Variants in CDC25C observed in about 807,000 individuals in gnomAD.
CDC25C encodes the protein cell division cycle 25C.
CDC25C carries 48 observed loss-of-function variants against 52.5 expected under a neutral mutation model. The ratio of observed to expected loss-of-function variants is 0.91; its 90% confidence interval spans 0.72 to 1.16. The LOEUF (loss-of-function observed/expected upper bound fraction) is 1.16, where lower values mean the gene tolerates loss of function less well. Ranked by LOEUF, CDC25C falls within the 50% of genes most tolerant of loss-of-function variation. The probability of loss-of-function intolerance (pLI) is 0.00; values close to 1 mark genes in which losing one functional copy is unlikely to be tolerated. For missense variants in CDC25C, 510 were observed against 566.1 expected (o/e 0.90, Z 1.01); for synonymous variants, 187 against 206.5 (o/e 0.91, Z 0.81).
At chr5:138,326,640 C>T (rs1357757087) in intron 4 of CDC25C, among the ~76,000 whole-genome samples, 1 of 152,112 alleles carries the variant, frequency 6.6e-6, no homozygotes, top group Non-Finnish European at 1.5e-5. Flanking sequence ...CGCACCCGGC[C>T]GGGGCTAACT....
chr5:138,316,621 G>A (rs1758895297), intron 7 of CDC25C, among the ~76,000 whole-genome samples: 1 of 152,176 alleles, frequency 6.6e-6, no homozygotes, highest in Non-Finnish European at 1.5e-5. Flanking sequence ...CAATCAGGAA[G>A]CACTTTCTCC....
rs192051305 is a variant in CDC25C at position 138,318,054 on chromosome 5, C to T, written c.615+1165G>A. Among the ~76,000 whole-genome samples the T allele has an allele frequency of 1.6e-4, 25 of 152,276 alleles. No homozygotes were observed. The East Asian group carries it at 4.1e-3, about 25-fold the overall frequency. ...CAGTCTAAAGATAGGTTACGCCAGG[C>T]GTGGTGGCTCATGCCTGTAATCCCA... On this transcript the variant is annotated intron_variant, in intron 7 of 13. Coordinates refer to ENST00000323760, the MANE Select transcript of CDC25C (RefSeq NM_001790.5).
At chr5:138,286,413 C>A in intron 12 of CDC25C, 84 bp downstream of exon 12, 18 of 1,362,280 alleles carry the variant, frequency 1.3e-5, no homozygotes, top group Non-Finnish European at 1.8e-5. Context: ...CTGTAGAATC[C>A]AGTCAGTCTC....
In CDC25C at chr5:138,331,128, C is replaced by G. The variant is rs1760345653; in HGVS notation, c.53G>C (p.Gly18Ala). 5 of 1,614,046 alleles carry G rather than the reference C, an allele frequency of 3.1e-6. No individual in the cohort carries two copies. Among genetic ancestry groups the G allele is most frequent in the Non-Finnish European group, 4.2e-6 (5 of 1,179,892 alleles). ...STREEGSSGS[G>A]PSFRSNQRKM... ...CCTTTGATTAGACCTAAAACTGGGT[C>G]CTGAGCCAGAGCTTCCTTCCTCTCT... Residue 18 changes from glycine to alanine, a missense_variant, in exon 2 of 14, where the codon GGA (glycine) becomes GCA (alanine). Coordinates refer to ENST00000323760, the MANE Select transcript of CDC25C (RefSeq NM_001790.5).
At chr5:138,319,396 T>C in intron 6 of CDC25C, 22 bp from the exon 7 acceptor site, 1 of 1,569,374 alleles carries the variant, frequency 6.4e-7, no homozygotes. Flanking sequence ...ATTGACAACA[T>C]TAAAAACTAT....
At chr5:138,338,229 C>A in exon 1 of CDC25C, 2 of 1,255,176 alleles carry the variant, frequency 1.6e-6, no homozygotes, top group South Asian at 2.5e-5. Flanking sequence ...TTCGCGCCAG[C>A]GCCTTTTAAG....
chr5:138,332,015 C>G, upstream of CDC25C: 5 of 626,578 alleles, frequency 8.0e-6, no homozygotes, highest in Non-Finnish European at 1.0e-5. Context: ...AGTGTTTGGC[C>G]CACCAGCGTT....
intron 10 of CDC25C, among the ~76,000 whole-genome samples, chr5:138,289,122 G>A (rs1372142432): frequency 2.6e-5 from 4 of 151,978 alleles, no homozygotes; most frequent in Non-Finnish European, 5.9e-5. Context: ...ACATTACCAC[G>A]CCTGGTTAAT....
At chr5:138,297,614 A>G (rs1248589830) in intron 7 of CDC25C, among the ~76,000 whole-genome samples, 1 of 152,206 alleles carries the variant, frequency 6.6e-6, no homozygotes, top group Non-Finnish European at 1.5e-5. Flanking sequence ...CCAAATTTCT[A>G]TCTTTAGTCA....
chr5:138,292,996 G>A (rs1201171863), intron 7 of CDC25C, among the ~76,000 whole-genome samples: 1 of 152,174 alleles, frequency 6.6e-6, no homozygotes, highest in Admixed American at 6.5e-5. Context: ...TACAATAAGA[G>A]AGCCATAACT....
At chr5:138,311,978 A>G (rs949572166) in intron 7 of CDC25C, among the ~76,000 whole-genome samples, 4 of 152,198 alleles carry the variant, frequency 2.6e-5, no homozygotes, top group Non-Finnish European at 4.4e-5. Flanking sequence ...CATTAGGGAA[A>G]TGCAAATTAA....
At chr5:138,299,213 A>AG (rs1358198206) in intron 7 of CDC25C, among the ~76,000 whole-genome samples, 1 of 137,932 alleles carries the variant, frequency 7.2e-6, no homozygotes, top group Admixed American at 7.3e-5. Flanking sequence ...AAAAAAAAAA[A>AG]GGCCAGGCAC....
intron 7 of CDC25C, among the ~76,000 whole-genome samples, chr5:138,305,974 T>C (rs1324948993): frequency 6.6e-6 from 1 of 152,310 alleles, no homozygotes; most frequent in Non-Finnish European, 1.5e-5. Context: ...GTAGCAAATA[T>C]CCATGAGCAG....
intron 7 of CDC25C, among the ~76,000 whole-genome samples, chr5:138,305,795 C>T (rs750698823): frequency 3.7e-4 from 57 of 152,178 alleles, no homozygotes; most frequent in Non-Finnish European, 7.3e-4. Context: ...AGAGGCAGTC[C>T]TGCCTCCTCA....
Position 138,292,948 on chromosome 5 carries a change from C to T in CDC25C, c.616-832G>A, listed in dbSNP as rs996471714. Among the ~76,000 whole-genome samples, 69 of 152,170 alleles carry T rather than the reference C, an allele frequency of 4.5e-4. 1 individual carries two copies. The highest frequency in any genetic ancestry group is 1.6e-3 in the African/African-American group (66 of 41,438). ...AAAAGCTCCTTCTCTAAACACTTAT[C>T]GCACTACCTGTTATGGACTGATTTA... On this transcript the variant is annotated intron_variant, in intron 7 of 13. Coordinates refer to ENST00000323760, the MANE Select transcript of CDC25C (RefSeq NM_001790.5).
At chr5:138,316,881 C>T (rs537837273) in intron 7 of CDC25C, among the ~76,000 whole-genome samples, 53 of 152,260 alleles carry the variant, frequency 3.5e-4, no homozygotes, top group African/African-American at 1.3e-3. Flanking sequence ...GCTGTTCTAA[C>T]ACTCAATAAA....
At chr5:138,337,403 C>G (rs931642301) in intron 1 of CDC25C, 1 of 153,482 alleles carries the variant, frequency 6.5e-6, no homozygotes, top group Non-Finnish European at 1.5e-5. Flanking sequence ...CCCCATCTGC[C>G]TGTTTCCTCC....
At chr5:138,335,120 C>T (rs1760620701), upstream of CDC25C, 1 of 152,272 alleles carries the variant, frequency 6.6e-6, no homozygotes, top group Admixed American at 6.5e-5. Flanking sequence ...CACCCTGAAA[C>T]ACCAAACAAG....
At chr5:138,291,377 T>C (rs193159403) in intron 8 of CDC25C, among the ~76,000 whole-genome samples, 2 of 151,886 alleles carry the variant, frequency 1.3e-5, no homozygotes, top group African/African-American at 2.4e-5. Flanking sequence ...TTTCAGATCT[T>C]AAGAAAAAGG....
Sources: allele counts gnomAD v4.1 joint callset (sites outside exome capture counted in the v4.1 genomes callset), GRCh38; gene constraint gnomAD v4.1.1; transcripts MANE v1.5; gene names NCBI Gene and HGNC (gene_info 2026-07-23, HGNC 2026-07-21).